HIBADH: variants seen among roughly 807,000 people sequenced by gnomAD.
HIBADH encodes 3-hydroxyisobutyrate dehydrogenase, mitochondrial.
Under a neutral mutation model 36.1 loss-of-function variants are expected in HIBADH, and 25 were observed. The observed-to-expected ratio is 0.69, with a 90% confidence interval of 0.50 to 0.97. The LOEUF is 0.97. Ranked by LOEUF, HIBADH falls within the 50% of genes least tolerant of loss-of-function variation. HIBADH has a pLI of 0.00. For synonymous variants in HIBADH, 160 were observed against 149.5 expected (o/e 1.07, Z -0.51); for missense variants, 421 against 418.0 (o/e 1.01, Z -0.06).
At chr7:27,540,106 G>A (rs1784126978) in intron 5 of HIBADH, among the ~76,000 whole-genome samples, 1 of 152,028 alleles carries the variant, frequency 6.6e-6, no homozygotes, top group Admixed American at 6.6e-5. Flanking sequence ...TCTATCTGAT[G>A]TTTTTGCTCT....
chr7:27,661,662 A>C lies in HIBADH; in HGVS notation c.91+1036T>G, dbSNP rs893566756. ...TAACCCACTATTTTTTTTTTAAGCA[A>C]AGATTAGAAAAAATTAATGCCAAGG... On this transcript the variant is annotated intron_variant, in intron 1 of 7. Coordinates refer to ENST00000265395, the MANE Select transcript of HIBADH (RefSeq NM_152740.4). 1.7e-4 allele frequency among the ~76,000 whole-genome samples: 26 copies of C among 151,676 alleles called. 2 individuals are homozygous for C. Among genetic ancestry groups the C allele is most frequent in the East Asian group, 1.2e-3 (6 of 5,162 alleles).
chr7:27,565,591 A>G (rs1230434946), intron 4 of HIBADH, among the ~76,000 whole-genome samples: 2 of 152,214 alleles, frequency 1.3e-5, no homozygotes, highest in Non-Finnish European at 2.9e-5. Flanking sequence ...GAACTTTTCT[A>G]CATGGACAAT....
chr7:27,629,168 T>C (rs1785701476), intron 4 of HIBADH, among the ~76,000 whole-genome samples: 1 of 149,976 alleles, frequency 6.7e-6, no homozygotes, highest in Admixed American at 6.6e-5. Context: ...GTTATGACAC[T>C]TTTTTATCTG....
At chr7:27,594,854 T>TA (rs1336085494) in intron 4 of HIBADH, among the ~76,000 whole-genome samples, 4 of 152,004 alleles carry the variant, frequency 2.6e-5, no homozygotes, top group Non-Finnish European at 5.9e-5. Flanking sequence ...GAAATTAGGG[T>TA]AAAAAAACAG....
chr7:27,546,387 G>A (rs1350083745), intron 4 of HIBADH, among the ~76,000 whole-genome samples: 2 of 152,106 alleles, frequency 1.3e-5, no homozygotes, highest in African/African-American at 4.8e-5. Flanking sequence ...CCAAAGTGCT[G>A]GGATTACAGG....
intron 4 of HIBADH, among the ~76,000 whole-genome samples, chr7:27,548,196 T>A (rs201244494): frequency 6.9e-6 from 1 of 144,212 alleles, no homozygotes; most frequent in South Asian, 2.2e-4. Flanking sequence ...CTCTCTCTCT[T>A]AAAAAAAAAA....
intron 2 of HIBADH, among the ~76,000 whole-genome samples, chr7:27,636,031 A>C (rs1018507834): frequency 2.0e-5 from 3 of 152,234 alleles, no homozygotes; most frequent in African/African-American, 7.2e-5. Context: ...ATAAATTAAA[A>C]ATCTGCTAAA....
At chr7:27,621,310 C>G (rs1043025337) in intron 4 of HIBADH, among the ~76,000 whole-genome samples, 1 of 152,100 alleles carries the variant, frequency 6.6e-6, no homozygotes, top group African/African-American at 2.4e-5. Context: ...TTAAACAGAT[C>G]ACCTAGACAG....
intron 4 of HIBADH, among the ~76,000 whole-genome samples, chr7:27,580,960 G>C (rs1784777960): frequency 1.3e-5 from 2 of 152,130 alleles, no homozygotes; most frequent in African/African-American, 2.4e-5. Context: ...CAGGTTAAGG[G>C]GTAGGCGATC....
At chr7:27,601,113 A>G (rs530591422) in intron 4 of HIBADH, among the ~76,000 whole-genome samples, 1 of 152,244 alleles carries the variant, frequency 6.6e-6, no homozygotes, top group Admixed American at 6.5e-5. Flanking sequence ...AAAACTGTAA[A>G]AGTTAAATCA....
chr7:27,576,582 A>G (rs997116939), intron 4 of HIBADH, among the ~76,000 whole-genome samples: 1 of 152,178 alleles, frequency 6.6e-6, no homozygotes, highest in Non-Finnish European at 1.5e-5. Flanking sequence ...GTTTCTCTTA[A>G]AGAGTCAGCA....
chr7:27,629,583 G>T, intron 3 of HIBADH, 91 bp from the exon 4 acceptor site: 1 of 815,096 alleles, frequency 1.2e-6, no homozygotes, highest in Non-Finnish European at 1.8e-6. Flanking sequence ...CTGAAAAGCT[G>T]CCATATATCA....
rs1444783326 is a variant in HIBADH, at chr7:27,621,337, C to A, written c.484+8034G>T. 2.0e-5 allele frequency among the ~76,000 whole-genome samples: 3 copies of A among 152,068 alleles called. No homozygotes were observed. In the East Asian group the frequency reaches 5.8e-4, roughly 29 times the overall value. On this transcript the variant is annotated intron_variant, in intron 4 of 7. Coordinates refer to ENST00000265395, the MANE Select transcript of HIBADH (RefSeq NM_152740.4). ...CCTAGACAGGAAGTCAAGAAAAAAACGTTGAATTTAAACTGGAGTTTACAC... is the reference window on the plus strand; with the variant it reads ...CCTAGACAGGAAGTCAAGAAAAAAAAGTTGAATTTAAACTGGAGTTTACAC...
chr7:27,546,967 G>C (rs566057068), intron 4 of HIBADH, among the ~76,000 whole-genome samples: 35 of 152,198 alleles, frequency 2.3e-4, no homozygotes, highest in African/African-American at 7.9e-4. Context: ...ATAGCAGCTA[G>C]AGGAATCCTC....
At chr7:27,611,946 T>C (rs535778445) in intron 4 of HIBADH, among the ~76,000 whole-genome samples, 22 of 152,256 alleles carry the variant, frequency 1.4e-4, no homozygotes, top group Middle Eastern at 3.4e-3. Context: ...CCATCCACTA[T>C]CCAAAAGAGC....
At chr7:27,604,724 C>T (rs1234150575) in intron 4 of HIBADH, among the ~76,000 whole-genome samples, 2 of 151,928 alleles carry the variant, frequency 1.3e-5, no homozygotes, top group Non-Finnish European at 2.9e-5. Context: ...TTTTTAAAAC[C>T]AAAAGGTCTC....
At chr7:27,615,671 G>A (rs960279359) in intron 4 of HIBADH, among the ~76,000 whole-genome samples, 2 of 152,114 alleles carry the variant, frequency 1.3e-5, no homozygotes, top group East Asian at 1.9e-4. Flanking sequence ...AAATAAAAGT[G>A]TAGCACACAA....
intron 4 of HIBADH, 24 bp from the exon 5 acceptor site, chr7:27,543,124 A>T: frequency 6.2e-7 from 1 of 1,611,258 alleles, no homozygotes; most frequent in Non-Finnish European, 8.5e-7. Flanking sequence ...GGGTAAAGGG[A>T]TAGAAGCAAA....
chr7:27,532,574 T>G (rs555931442), intron 6 of HIBADH, among the ~76,000 whole-genome samples: 8 of 152,226 alleles, frequency 5.3e-5, no homozygotes, highest in African/African-American at 1.9e-4. Flanking sequence ...ACAACTGTTA[T>G]GTAATCAGGC....
Sources: allele counts gnomAD v4.1 joint callset (sites outside exome capture counted in the v4.1 genomes callset), GRCh38; gene constraint gnomAD v4.1.1; transcripts MANE v1.5; gene names NCBI Gene and HGNC (gene_info 2026-07-23, HGNC 2026-07-21).